Variants in GAK observed in about 807,000 individuals in gnomAD.
GAK encodes the protein cyclin-G-associated kinase.
In GAK, 79 loss-of-function variants were observed where a neutral mutation model predicts 143.9. The ratio of observed to expected loss-of-function variants is 0.55; its 90% confidence interval spans 0.46 to 0.66. The LOEUF (loss-of-function observed/expected upper bound fraction) is 0.66. Among genes scored for constraint, GAK ranks in the 30% least tolerant of loss-of-function variants. The pLI is 0.00. For missense variants in GAK, 1,693 were observed against 1,779.7 expected, an observed-to-expected ratio of 0.95 and a Z score of 0.88; for synonymous variants, 881 against 765.5, an observed-to-expected ratio of 1.15 and a Z score of -2.49.
Position 884,026 on chromosome 4 carries a change from G to A in GAK, c.1255+11C>T, listed in dbSNP as rs114672106. On this transcript the variant is annotated intron_variant, in intron 12 of 27. Transcript: ENST00000314167. ...CGGGGCGCGTCCCACAGCCTCATGT[G>A]GCACGCATACCTGCAATTCTGGATG... 1.7e-3 allele frequency: 2,665 copies of A among 1,612,938 alleles called. 40 individuals carry two copies. In the African/African-American group the frequency reaches 0.032, roughly 19 times the overall value.
At chr4:910,611 G>A (rs1721879573) in intron 4 of GAK, among the ~76,000 whole-genome samples, 1 of 152,102 alleles carries the variant, frequency 6.6e-6, no homozygotes, top group South Asian at 2.1e-4. Flanking sequence ...AGCTCCTCCT[G>A]GCTGCTGAGC....
intron 9 of GAK, 107 bp from the exon 10 acceptor site, chr4:890,729 CCCTGATCTATG>C: frequency 1.2e-6 from 1 of 850,116 alleles, no homozygotes; most frequent in East Asian, 2.7e-5. Context: ...TCCTTCTGCC[CCCTGATCTATG>C]ACACAGTGCA....
intron 15 of GAK, among the ~76,000 whole-genome samples, chr4:880,951 C>A (rs1714979354): frequency 6.6e-6 from 1 of 152,174 alleles, no homozygotes; most frequent in South Asian, 2.1e-4. Flanking sequence ...GCTTTCAGCT[C>A]AATGTGTGGA....
intron 1 of GAK, 35 bp from the exon 2 acceptor site, chr4:913,703 T>C: frequency 2.6e-6 from 4 of 1,532,792 alleles, no homozygotes; most frequent in Non-Finnish European, 3.6e-6. Flanking sequence ...TTCAATGCTA[T>C]GATTTTATTT....
chr4:899,067 T>A (rs995467493), intron 5 of GAK, among the ~76,000 whole-genome samples: 1 of 151,994 alleles, frequency 6.6e-6, no homozygotes, highest in African/African-American at 2.4e-5. Flanking sequence ...AGCCCCACAG[T>A]GCTCACGCCC....
At chr4:868,773 C>A (rs561784623) in intron 19 of GAK, 88 bp from the exon 20 acceptor site, 1 of 1,393,604 alleles carries the variant, frequency 7.2e-7, no homozygotes, top group Admixed American at 2.3e-5. Flanking sequence ...TGCAGCCAGG[C>A]GGGCGCCAGC....
At chr4:920,264 C>T (rs1184957041) in intron 1 of GAK, among the ~76,000 whole-genome samples, 2 of 150,084 alleles carry the variant, frequency 1.3e-5, no homozygotes, top group East Asian at 2.0e-4. Flanking sequence ...GCCGAGATCA[C>T]GCCACTGCAC....
chr4:858,311 T>C (rs1330470400), intron 24 of GAK, among the ~76,000 whole-genome samples: 3 of 152,172 alleles, frequency 2.0e-5, no homozygotes, highest in East Asian at 1.9e-4. Context: ...GCTTTGCTCT[T>C]CCAGAATTGC....
intron 15 of GAK, 28 bp downstream of exon 15, chr4:881,879 C>T: frequency 6.4e-7 from 1 of 1,550,562 alleles, no homozygotes; most frequent in Non-Finnish European, 8.7e-7. Context: ...ACAGAGCTGT[C>T]CCCTGTCCCC....
rs750429375 is a variant in GAK, at chr4:893,950, C to T, written c.801G>A (p.Ala267=). The change falls in exon 8 of 28, where the codon GCG becomes GCA. Residue 267 remains alanine (A), a synonymous_variant. Coordinates refer to ENST00000314167, the MANE Select transcript of GAK (RefSeq NM_005255.4). ...ACTTCCCATTGACTATTCGAAGTTT[C>T]GCTCCATCCTCAAAAGGGTGCTGCC... ...CFRQHPFEDG[A]KLRIVNGKYS... 13 of 1,612,824 alleles carry T rather than the reference C, an allele frequency of 8.1e-6. No individual in the cohort carries two copies. The highest frequency in any genetic ancestry group is 6.7e-5 in the East Asian group (3 of 44,874).
At chr4:912,050 G>C (rs1325180294) in intron 3 of GAK, 1 of 491,280 alleles carries the variant, frequency 2.0e-6, no homozygotes, top group Admixed American at 2.3e-5. Flanking sequence ...CGACACCAAA[G>C]TCCATCCCGC....
intron 21 of GAK, 148 bp downstream of exon 21, chr4:866,808 T>C (rs944304013): frequency 4.2e-6 from 3 of 707,440 alleles, no homozygotes; most frequent in African/African-American, 3.5e-5. Context: ...AACCCTGACA[T>C]GACCCCGAGG....
In GAK at chr4:920,539, A is replaced by AATTTTTTTTTTTTTTTTTTTTT. The variant is rs766096942; in HGVS notation, c.146-6872_146-6871insAAAAAAAAAAAAAAAAAAAAAT. ...AAAATTGTGAAAAAGGTTTAGAGCC[A>AATTTTTTTTTTTTTTTTTTTTT]TTTTTTTTTTTTTTTTTTTTTTGAG... On this transcript the variant is annotated intron_variant, in intron 1 of 27. Coordinates refer to ENST00000314167, the MANE Select transcript of GAK (RefSeq NM_005255.4). 1.5e-5 allele frequency among the ~76,000 whole-genome samples: 2 copies of AATTTTTTTTTTTTTTTTTTTTT among 129,600 alleles called. 1 individual carries two copies. The highest frequency in any genetic ancestry group is 4.9e-4 in the South Asian group (2 of 4,058). The allele number at this position is 129,600 out of a possible 152,430, so 85.0% of individuals were successfully genotyped here.
intron 4 of GAK, among the ~76,000 whole-genome samples, chr4:911,227 CCT>C (rs1722000518): frequency 6.6e-6 from 1 of 152,148 alleles, no homozygotes; most frequent in Non-Finnish European, 1.5e-5. Context: ...CCCCAGAGCC[CCT>C]GACAAGGACG....
At chr4:857,627 C>A (rs368023503) in intron 24 of GAK, among the ~76,000 whole-genome samples, 51 of 152,292 alleles carry the variant, frequency 3.3e-4, no homozygotes, top group Middle Eastern at 3.4e-3. Context: ...GTAGAGCCTG[C>A]GGGGTCTGCA....
At chr4:916,429 A>G (rs1723099228) in intron 1 of GAK, among the ~76,000 whole-genome samples, 1 of 152,162 alleles carries the variant, frequency 6.6e-6, no homozygotes, top group Non-Finnish European at 1.5e-5. Flanking sequence ...TAATTTTTTT[A>G]TTCTTTGAAG....
chr4:904,488 G>T (rs1720690336), intron 5 of GAK, 149 bp downstream of exon 5: 2 of 758,770 alleles, frequency 2.6e-6, no homozygotes, highest in African/African-American at 1.9e-5. Context: ...GGTCCCTGTG[G>T]ATGATGGGCG....
intron 11 of GAK, among the ~76,000 whole-genome samples, chr4:885,565 A>G (rs1284117344): frequency 2.6e-5 from 4 of 152,152 alleles, no homozygotes; most frequent in Admixed American, 2.0e-4. Flanking sequence ...AGGCACGTGT[A>G]CCACAGGTGT....
At chr4:913,150 G>T (rs73209872) in intron 2 of GAK, among the ~76,000 whole-genome samples, 1 of 152,240 alleles carries the variant, frequency 6.6e-6, no homozygotes, top group African/African-American at 2.4e-5. Flanking sequence ...TCTCAAAGGC[G>T]GGGCCACCCT....
Sources: gnomAD v4.1 joint callset for allele counts (sites outside exome capture counted in the v4.1 genomes callset) on GRCh38, gnomAD v4.1.1 for gene constraint, MANE v1.5 for transcripts, NCBI Gene and HGNC (gene_info 2026-07-23, HGNC 2026-07-21) for gene names.